The following KIAA0825 variants were observed in gnomAD, a reference collection of about 807,000 sequenced individuals.
KIAA0825 encodes uncharacterized protein KIAA0825.
In KIAA0825, 119 loss-of-function variants were observed where a neutral mutation model predicts 147.6. That is an observed-to-expected ratio of 0.81 (90% CI 0.69 to 0.94). KIAA0825 has a LOEUF of 0.94. KIAA0825 is among the 40% of genes least tolerant of loss of function. KIAA0825 has a pLI of 0.00. For missense variants in KIAA0825, 1,381 were observed against 1,472.7 expected, an observed-to-expected ratio of 0.94 and a Z score of 1.02; for synonymous variants, 470 against 518.1, an observed-to-expected ratio of 0.91 and a Z score of 1.26.
At chr5:94,533,277 CTTT>C (rs780139022) in intron 3 of KIAA0825, among the ~76,000 whole-genome samples, 2 of 124,390 alleles carry the variant, frequency 1.6e-5, no homozygotes, top group Non-Finnish European at 3.4e-5. Flanking sequence ...TGTGCCCGGC[CTTT>C]TTTTTTTTTT....
rs1392458885 is a variant in KIAA0825, at chr5:94,396,453, C to A, written c.2944G>T (p.Val982Leu). ...VSIVISKLPTVIACLPPPVKY... is the reference protein window; with the variant it reads ...VSIVISKLPTLIACLPPPVKY... The stretch of plus-strand genomic sequence containing the variant: ...ACTGGGGGAGGCAAACATGCAATCA[C>A]CGTAGGTAACTTGCTGATTACAATA... Residue 982 changes from valine (V) to leucine (L), a missense_variant, in exon 17 of 21, where the codon GTG (valine) becomes TTG (leucine). By Grantham distance (32) the Val-to-Leu change is conservative. Coordinates refer to ENST00000682413, the MANE Select transcript of KIAA0825 (RefSeq NM_001145678.3). The A allele has an allele frequency of 6.5e-7, 1 of 1,537,684 alleles. No homozygotes were observed. The highest frequency in any genetic ancestry group is 1.2e-5 in the South Asian group (1 of 81,044).
At chr5:94,524,238 A>G in intron 3 of KIAA0825, 140 bp from the exon 4 acceptor site, 1 of 469,298 alleles carries the variant, frequency 2.1e-6, no homozygotes, top group Non-Finnish European at 3.7e-6. Context: ...TATGAAAATA[A>G]TAACAGACTA....
intron 5 of KIAA0825, among the ~76,000 whole-genome samples, chr5:94,516,968 T>C (rs1465770772): frequency 6.6e-6 from 1 of 151,598 alleles, no homozygotes; most frequent in Non-Finnish European, 1.5e-5. Context: ...GGCATGGTAG[T>C]GCATGCCTGT....
chr5:94,158,328 T>C (rs970678050), intron 20 of KIAA0825, among the ~76,000 whole-genome samples: 1 of 152,100 alleles, frequency 6.6e-6, no homozygotes, highest in Non-Finnish European at 1.5e-5. Context: ...CTATTTGGAC[T>C]TTTTTTGGAG....
intron 20 of KIAA0825, among the ~76,000 whole-genome samples, chr5:94,304,285 T>C (rs11749838): frequency 0.2 from 31,133 of 151,936 alleles, 3,627 homozygotes; most frequent in Non-Finnish European, 0.25. Context: ...TGCCTCCCTG[T>C]GGCATAAGTG....
At chr5:94,195,158 T>C (rs549180106) in intron 20 of KIAA0825, among the ~76,000 whole-genome samples, 1 of 152,312 alleles carries the variant, frequency 6.6e-6, no homozygotes, top group African/African-American at 2.4e-5. Flanking sequence ...TCCAATTCCT[T>C]TAAGCTAATT....
chr5:94,436,994 C>G (rs1277922997), intron 14 of KIAA0825, among the ~76,000 whole-genome samples: 1 of 152,070 alleles, frequency 6.6e-6, no homozygotes, highest in African/African-American at 2.4e-5. Flanking sequence ...GCTGAGGTTG[C>G]TTATTAGCAT....
chr5:94,409,758 T>C (rs2150667871), intron 15 of KIAA0825, among the ~76,000 whole-genome samples: 1 of 152,322 alleles, frequency 6.6e-6, no homozygotes, highest in East Asian at 1.9e-4. Flanking sequence ...AGGTAATGTT[T>C]CAGTAAATGG....
chr5:94,462,350 T>G, intron 12 of KIAA0825, 37 bp downstream of exon 12: 1 of 1,063,194 alleles, frequency 9.4e-7, no homozygotes, highest in Non-Finnish European at 1.3e-6. Flanking sequence ...TCACGTTATA[T>G]CATAATAGCT....
chr5:94,392,821 G>C (rs964204133), intron 17 of KIAA0825, among the ~76,000 whole-genome samples: 1 of 152,160 alleles, frequency 6.6e-6, no homozygotes, highest in Non-Finnish European at 1.5e-5. Context: ...TCTCAGAAAA[G>C]AGGAGGAACT....
intron 20 of KIAA0825, among the ~76,000 whole-genome samples, chr5:94,244,774 G>A (rs150304184): frequency 1.3e-5 from 2 of 151,740 alleles, no homozygotes; most frequent in Non-Finnish European, 2.9e-5. Flanking sequence ...TAACCTTTAG[G>A]TACCTTACCC....
In KIAA0825 at chr5:94,435,086, T is replaced by A. The variant is rs1378916373; in HGVS notation, c.2497+4896A>T. ...TGAGACAATTTAACACAAAATTAAG[T>A]TTTATCAATTAGATGAAAAAAAACC... On this transcript the variant is annotated intron_variant, in intron 14 of 20. Transcript: ENST00000682413. Among the ~76,000 whole-genome samples, 11 of 152,282 alleles carry A rather than the reference T, an allele frequency of 7.2e-5. No individual in the cohort carries two copies. In the South Asian group the frequency reaches 2.1e-3, roughly 29 times the overall value.
chr5:94,538,213 AC>A (rs1380257415), intron 2 of KIAA0825, among the ~76,000 whole-genome samples: 2 of 152,230 alleles, frequency 1.3e-5, no homozygotes, highest in Non-Finnish European at 2.9e-5. Context: ...TGCTATAAGA[AC>A]AAGTAAAACA....
intron 20 of KIAA0825, among the ~76,000 whole-genome samples, chr5:94,198,121 TTG>T (rs1211470040): frequency 6.6e-6 from 1 of 152,176 alleles, no homozygotes; most frequent in Non-Finnish European, 1.5e-5. Flanking sequence ...TTCCATGGGT[TTG>T]TGTCATCTCT....
intron 20 of KIAA0825, among the ~76,000 whole-genome samples, chr5:94,199,277 G>C (rs1327800792): frequency 6.6e-6 from 1 of 152,164 alleles, no homozygotes; most frequent in Non-Finnish European, 1.5e-5. Flanking sequence ...TTATTCAACT[G>C]TCTTAATTTC....
chr5:94,326,051 A>C (rs1780653417), intron 20 of KIAA0825, among the ~76,000 whole-genome samples: 2 of 152,096 alleles, frequency 1.3e-5, no homozygotes, highest in Admixed American at 6.6e-5. Flanking sequence ...AAAATAAGTG[A>C]TATATTAATT....
chr5:94,310,167 A>G (rs1279916702), intron 20 of KIAA0825, among the ~76,000 whole-genome samples: 1 of 151,700 alleles, frequency 6.6e-6, no homozygotes, highest in Non-Finnish European at 1.5e-5. Context: ...CATCCTTTGG[A>G]AAATAGATAA....
At chr5:94,304,182 A>T (rs1272487259) in intron 20 of KIAA0825, among the ~76,000 whole-genome samples, 1 of 152,158 alleles carries the variant, frequency 6.6e-6, no homozygotes, top group Non-Finnish European at 1.5e-5. Context: ...TGGGCTAGAA[A>T]TGATAAAAGT....
intron 20 of KIAA0825, among the ~76,000 whole-genome samples, chr5:94,207,618 G>A (rs759171397): frequency 5.3e-5 from 8 of 152,108 alleles, no homozygotes; most frequent in African/African-American, 1.9e-4. Flanking sequence ...ATATGTTTCC[G>A]TGGTGTCTAA....
Sources: allele counts gnomAD v4.1 joint callset (sites outside exome capture counted in the v4.1 genomes callset), GRCh38; gene constraint gnomAD v4.1.1; transcripts MANE v1.5; gene names NCBI Gene and HGNC (gene_info 2026-07-23, HGNC 2026-07-21).